Variants in TRIM2 observed in about 807,000 individuals in gnomAD.
TRIM2 encodes tripartite motif-containing protein 2.
TRIM2 carries 20 observed loss-of-function variants against 75.2 expected under a neutral mutation model. The observed-to-expected ratio is 0.27, with a 90% CI of 0.19 to 0.39. The LOEUF (loss-of-function observed/expected upper bound fraction) is 0.39. TRIM2 is among the 10% of genes least tolerant of loss of function. The pLI is 1.00. For synonymous variants in TRIM2, 373 were observed against 388.3 expected (o/e 0.96, Z 0.46); for missense variants, 660 against 990.8 (o/e 0.67, Z 4.48).
intron 1 of TRIM2, among the ~76,000 whole-genome samples, chr4:153,242,758 G>A (rs1746976894): frequency 6.6e-6 from 1 of 152,262 alleles, no homozygotes; most frequent in African/African-American, 2.4e-5. Flanking sequence ...CGCTGGGGCA[G>A]ATGGAGAGCA....
chr4:153,179,664 A>AT (rs1731845319), intron 1 of TRIM2, among the ~76,000 whole-genome samples: 1 of 152,078 alleles, frequency 6.6e-6, no homozygotes, highest in East Asian at 1.9e-4. Flanking sequence ...TAATGACAAG[A>AT]TTTTTTTCAC....
intron 1 of TRIM2, among the ~76,000 whole-genome samples, chr4:153,213,029 C>G (rs913486865): frequency 6.6e-6 from 1 of 152,186 alleles, no homozygotes; most frequent in African/African-American, 2.4e-5. Context: ...TGAGATATCA[C>G]CAGTCTGCCA....
At chr4:153,172,908 G>T (rs1731029638) in intron 1 of TRIM2, among the ~76,000 whole-genome samples, 1 of 152,180 alleles carries the variant, frequency 6.6e-6, no homozygotes, top group Admixed American at 6.5e-5. Flanking sequence ...CAAGCACACT[G>T]CATGAATGTG....
At chr4:153,220,337 AG>A (rs1177695214) in intron 1 of TRIM2, among the ~76,000 whole-genome samples, 1 of 152,200 alleles carries the variant, frequency 6.6e-6, no homozygotes, top group Non-Finnish European at 1.5e-5. Context: ...GATGAGAGAC[AG>A]GTTGTTATAG....
chr4:153,196,266 C>G (rs912428390), intron 1 of TRIM2, among the ~76,000 whole-genome samples: 5 of 146,348 alleles, frequency 3.4e-5, no homozygotes, highest in African/African-American at 7.9e-5. Context: ...TCCTACCACC[C>G]CCCCCCACAC....
chr4:153,317,692 GTGGCT>G (rs1767995252), intron 8 of TRIM2, among the ~76,000 whole-genome samples: 1 of 151,914 alleles, frequency 6.6e-6, no homozygotes, highest in Admixed American at 6.5e-5. Context: ...CCTGGGCATG[GTGGCT>G]CATGCCTGCA....
upstream of TRIM2, among the ~76,000 whole-genome samples, chr4:153,200,812 T>C (rs1734279302): frequency 1.3e-5 from 2 of 148,876 alleles, no homozygotes; most frequent in Non-Finnish European, 3.0e-5. Context: ...TTTTTTTCCT[T>C]ATTATTGTTA....
At chr4:153,320,053 A>G (rs2149546092) in intron 8 of TRIM2, among the ~76,000 whole-genome samples, 1 of 152,320 alleles carries the variant, frequency 6.6e-6, no homozygotes, top group Middle Eastern at 3.4e-3. Context: ...TAGTAATGAC[A>G]TTCTTGTTTT....
chr4:153,334,643 T>C (rs1198904556), intron 11 of TRIM2, among the ~76,000 whole-genome samples, 171 bp from the exon 12 acceptor site: 1 of 152,136 alleles, frequency 6.6e-6, no homozygotes, highest in African/African-American at 2.4e-5. Flanking sequence ...GAATTAAAGG[T>C]TACAGTAAGC....
intron 10 of TRIM2, 59 bp from the exon 11 acceptor site, chr4:153,328,471 A>T: frequency 6.8e-7 from 1 of 1,460,990 alleles, no homozygotes. Context: ...TTTTTAATCC[A>T]TCATGTTGGT....
intron 1 of TRIM2, among the ~76,000 whole-genome samples, chr4:153,266,219 G>C (rs1002311535): frequency 3.9e-5 from 6 of 152,114 alleles, no homozygotes; most frequent in African/African-American, 1.4e-4. Context: ...CCCCAGGCTG[G>C]AGTGCAGGGG....
chr4:153,162,638 G>A (rs1474544616), intron 1 of TRIM2, among the ~76,000 whole-genome samples: 1 of 152,194 alleles, frequency 6.6e-6, no homozygotes, highest in Non-Finnish European at 1.5e-5. Context: ...CATGGCTCAG[G>A]CACATAGACA....
chr4:153,244,407 TC>T (rs1560875214), intron 1 of TRIM2, among the ~76,000 whole-genome samples: 2,314 of 95,664 alleles, frequency 0.024, 553 homozygotes, highest in African/African-American at 0.12. Context: ...TTCTTCTTCT[TC>T]TTCTTCTTCT....
intron 6 of TRIM2, among the ~76,000 whole-genome samples, chr4:153,303,810 G>T (rs1199197263): frequency 6.6e-6 from 1 of 152,128 alleles, no homozygotes; most frequent in Non-Finnish European, 1.5e-5. Flanking sequence ...GTCATTTTCT[G>T]GGCAATACCT....
chr4:153,213,023 A>T (rs1054757266), intron 1 of TRIM2, among the ~76,000 whole-genome samples: 1 of 152,214 alleles, frequency 6.6e-6, no homozygotes, highest in Non-Finnish European at 1.5e-5. Context: ...TGTGCATGAG[A>T]TATCACCAGT....
In TRIM2 at chr4:153,214,394, C is replaced by A. The variant is rs1366265155; in HGVS notation, c.30+9834C>A. ...TAAGAGGGTCAAACTCTTTTCTGTC[C>A]ATTTTAAAATGCAAGTTTTATTTAA... On this transcript the variant is annotated intron_variant, in intron 1 of 11. Coordinates refer to ENST00000338700, the MANE Select transcript of TRIM2 (RefSeq NM_015271.5). 2.6e-5 allele frequency among the ~76,000 whole-genome samples: 4 copies of A among 152,132 alleles called. No homozygotes were observed. The East Asian group carries it at 7.7e-4, about 29-fold the overall frequency.
chr4:153,188,408 T>C (rs1732836641), intron 1 of TRIM2, among the ~76,000 whole-genome samples: 1 of 152,102 alleles, frequency 6.6e-6, no homozygotes, highest in South Asian at 2.1e-4. Context: ...TGCAGTGAGC[T>C]GAGACCATAC....
chr4:153,249,924 A>G (rs568490221), intron 1 of TRIM2, among the ~76,000 whole-genome samples: 1 of 152,336 alleles, frequency 6.6e-6, no homozygotes, highest in Non-Finnish European at 1.5e-5. Flanking sequence ...GGGTATACTC[A>G]AGATAGATAG....
Position 153,337,736 on chromosome 4 carries a change from A to G in TRIM2, c.*2770A>G. On this transcript the variant is annotated 3_prime_UTR_variant, in exon 12 of 12. Coordinates refer to ENST00000338700, the MANE Select transcript of TRIM2 (RefSeq NM_015271.5). The stretch of plus-strand genomic sequence containing the variant: ...ATAAGTGGCTTTTTTCTGGGCTACC[A>G]TTATTGTTTGATTTCTCTTTGTCAA... 1 of 985,806 alleles carries G rather than the reference A, an allele frequency of 1.0e-6. No individual in the cohort carries two copies. Among genetic ancestry groups the G allele is most frequent in the Non-Finnish European group, 1.2e-6 (1 of 829,912 alleles). 61.1% of individuals were successfully genotyped at this position (985,806 alleles called of 1,614,324 possible).
Sources: gnomAD v4.1 joint callset for allele counts (sites outside exome capture counted in the v4.1 genomes callset) on GRCh38, gnomAD v4.1.1 for gene constraint, MANE v1.5 for transcripts, NCBI Gene and HGNC (gene_info 2026-07-23, HGNC 2026-07-21) for gene names.